The following CD209 variants were observed in gnomAD, a reference collection of about 807,000 sequenced individuals.
CD209 encodes CD209 molecule, also known as CD209 antigen.
A neutral mutation model predicts 44.7 loss-of-function variants in CD209; 31 were observed. The observed-to-expected ratio is 0.69, with a 90% CI of 0.52 to 0.94. The LOEUF (loss-of-function observed/expected upper bound fraction) is 0.94. Ranked by LOEUF, CD209 falls within the 40% of genes least tolerant of loss-of-function variation. CD209 has a pLI of 0.00. For missense variants in CD209, 407 were observed against 452.4 expected, an observed-to-expected ratio of 0.90 and a Z score of 0.91; for synonymous variants, 173 against 181.3, an observed-to-expected ratio of 0.95 and a Z score of 0.37.
chr19:7,746,749 C>A lies in CD209; in HGVS notation c.107-218G>T, dbSNP rs138953036. Among the ~76,000 whole-genome samples, 1,411 of 151,168 alleles carry A rather than the reference C, an allele frequency of 9.3e-3. 16 individuals carry two copies. The highest frequency in any genetic ancestry group is 0.032 in the African/African-American group (1,307 of 41,094). ...TCCCCAGGTCCCAGGAACCAGGTAC[C>A]TGCTTCCACCTCCCCAGGACCCAGG... On this transcript the variant is annotated intron_variant, in intron 2 of 6. Coordinates refer to ENST00000315599, the MANE Select transcript of CD209 (RefSeq NM_021155.4).
In CD209 at chr19:7,745,596, C is replaced by G. The variant is rs1054521213; in HGVS notation, c.670G>C (p.Ala224Pro). Residue 224 changes from alanine (A) to proline (P), a missense_variant, in exon 4 of 7, where the codon GCT becomes CCT. Around this residue, in one of 3 missense-constraint regions of CD209, gnomAD observed 85 missense variants for 139.9 expected, o/e 0.61. Coordinates refer to ENST00000315599, the MANE Select transcript of CD209 (RefSeq NM_021155.4). ...EIYQELTRLK[A>P]AVGELPEKSK... is the part of the protein sequence containing the mutation. ...TTCTCTGGAAGCTCACCCACTGCAG[C>G]CTTCAGCCGGGTCAGCTCCTGGTAG... 1.1e-5 allele frequency: 7 copies of G among 652,416 alleles called. No individual in the cohort carries two copies. Among genetic ancestry groups the G allele is most frequent in the Non-Finnish European group, 1.3e-5 (5 of 372,858 alleles). The allele number at this position is 652,416 out of a possible 1,614,324, so 40.4% of individuals were successfully genotyped here.
rs905142903 is a variant in CD209 at position 7,741,115 on chromosome 19, A to G, written c.*1924T>C. The stretch of plus-strand genomic sequence containing the variant: ...TGACTCCGAAGCAAGCCTGGAGTAC[A>G]GCGAGGAAGAAACCTACCAACAGTT... On this transcript the variant is annotated 3_prime_UTR_variant, in exon 7 of 7. Transcript: ENST00000315599. 9 of 1,043,040 alleles carry G rather than the reference A, an allele frequency of 8.6e-6. No individual in the cohort carries two copies. Among genetic ancestry groups the G allele is most frequent in the Middle Eastern group, 2.1e-4 (1 of 4,746 alleles). 64.6% of individuals were successfully genotyped at this position (1,043,040 alleles called of 1,614,324 possible).
Position 7,741,804 on chromosome 19 carries a change from T to A in CD209, c.*1235A>T, listed in dbSNP as rs2033623793. The A allele has an allele frequency of 2.0e-6, 1 of 503,630 alleles. No homozygotes were observed. The highest frequency in any genetic ancestry group is 3.9e-6 in the Non-Finnish European group (1 of 257,254). The allele number at this position is 503,630 out of a possible 1,614,324, so 31.2% of individuals were successfully genotyped here. A position where few individuals can be genotyped will look rare whatever the true frequency, so the allele number is the denominator to read the frequency against. On this transcript the variant is annotated 3_prime_UTR_variant, in exon 7 of 7. Transcript: ENST00000315599. ...CCAATAGAGACCTCTGCTTGTCTCCTCCTTTGGCAAGAGCTCCAAGGGGAG... is the reference window on the plus strand; with the variant it reads ...CCAATAGAGACCTCTGCTTGTCTCCACCTTTGGCAAGAGCTCCAAGGGGAG...
chr19:7,740,444 C>A lies in CD209; in HGVS notation c.*2595G>T, dbSNP rs112559811. 2 of 715,830 alleles carry A rather than the reference C, an allele frequency of 2.8e-6. No homozygotes were observed. The highest frequency in any genetic ancestry group is 2.1e-5 in the Admixed American group (1 of 46,718). The allele number at this position is 715,830 out of a possible 1,614,324, so 44.3% of individuals were successfully genotyped here. ...AAAGGATACAACTAGAGGGGCGGGG[C>A]GGTGCCGGCAAGATGGCTGCGCCCG... On this transcript the variant is annotated 3_prime_UTR_variant, in exon 7 of 7. Transcript: ENST00000315599.
In CD209 at chr19:7,741,081, G is replaced by A. The variant is rs2033594756; in HGVS notation, c.*1958C>T. ...TGTTTGGAAAGGAGCAGTGCAGGAG[G>A]GATGACTATGACTCCGAAGCAAGCC... On this transcript the variant is annotated 3_prime_UTR_variant, in exon 7 of 7. Transcript: ENST00000315599. 1.1e-6 allele frequency: 1 copy of A among 878,714 alleles called. No homozygotes were observed. Among genetic ancestry groups the A allele is most frequent in the East Asian group, 2.6e-5 (1 of 37,886 alleles). The allele number at this position is 878,714 out of a possible 1,614,324, so 54.4% of individuals were successfully genotyped here.
intron 6 of CD209, 32 bp from the exon 7 acceptor site, chr19:7,743,272 T>TCC: frequency 6.3e-7 from 1 of 1,580,998 alleles, no homozygotes; most frequent in South Asian, 1.1e-5. Flanking sequence ...TGAGCCTCTG[T>TCC]CCCCGCCAGC....
intron 2 of CD209, 94 bp downstream of exon 2, chr19:7,747,212 G>T: frequency 7.6e-7 from 1 of 1,307,964 alleles, no homozygotes; most frequent in South Asian, 1.2e-5. Flanking sequence ...ACATCCCCAG[G>T]ACCCAAGAGT....
intron 6 of CD209, 66 bp downstream of exon 6, chr19:7,744,041 G>T: frequency 1.5e-6 from 2 of 1,323,658 alleles, no homozygotes; most frequent in Non-Finnish European, 2.2e-6. Context: ...GGATCCCCAG[G>T]GAAAGTTCAA....
chr19:7,742,595 T>G lies in CD209; in HGVS notation c.*444A>C. On this transcript the variant is annotated 3_prime_UTR_variant, in exon 7 of 7. Coordinates refer to ENST00000315599, the MANE Select transcript of CD209 (RefSeq NM_021155.4). ...CCATGCCCTCTCTGGGTGCCATTGG[T>G]TGACTGGGGGAATTAATTCCCTGGT... 5.5e-6 allele frequency: 1 copy of G among 182,938 alleles called. No homozygotes were observed. The highest frequency in any genetic ancestry group is 1.3e-4 in the East Asian group (1 of 7,518). The allele number at this position is 182,938 out of a possible 1,614,324, so 11.3% of individuals were successfully genotyped here. A position where few individuals can be genotyped will look rare whatever the true frequency, so the allele number is the denominator to read the frequency against.
At position 7,744,979 on chromosome 19, in the gene CD209, C is replaced by T. The variant is rs758249066; in HGVS notation, c.862G>A (p.Gly288Arg). 16 of 1,614,110 alleles carry T rather than the reference C, an allele frequency of 9.9e-6. No individual in the cohort carries two copies. The highest frequency in any genetic ancestry group is 2.7e-5 in the African/African-American group (2 of 74,934). Residue 288 changes from glycine to arginine, a missense_variant, in exon 5 of 7, where the codon GGG (glycine) becomes AGG (arginine). Physicochemically the swap from Gly to Arg is moderately radical, Grantham distance 125. Coordinates refer to ENST00000315599, the MANE Select transcript of CD209 (RefSeq NM_021155.4). ...HDSITACKEV[G>R]AQLVVIKSAE... is the part of the protein sequence containing the mutation. ...CTTTTGATTACGACGAGCTGGGCCC[C>T]CACTTCTTTGCAGGCGGTGATGGAG...
At chr19:7,746,434 C>A in intron 3 of CD209, 26 bp downstream of exon 3, 1 of 1,613,094 alleles carries the variant, frequency 6.2e-7, no homozygotes, top group Non-Finnish European at 8.5e-7. Flanking sequence ...CGTGGGGACC[C>A]CAGACCCTCA....
chr19:7,744,274 T>G, intron 5 of CD209, 55 bp from the exon 6 acceptor site: 1 of 1,306,746 alleles, frequency 7.7e-7, no homozygotes, highest in South Asian at 1.2e-5. Flanking sequence ...TTCCAGGCTC[T>G]GTCTCCCCAT....
Position 7,741,352 on chromosome 19 carries a change from A to C in CD209, c.*1687T>G. On this transcript the variant is annotated 3_prime_UTR_variant, in exon 7 of 7. Transcript: ENST00000315599. ...GGGCGCAGTGGTGCACGCCCAGCTA[A>C]TTTTTGTACTTTTAGTGGAGTCCCA... is the stretch of plus-strand genomic sequence containing the variant. 1 of 358,924 alleles carries C rather than the reference A, an allele frequency of 2.8e-6. No individual in the cohort carries two copies. Among genetic ancestry groups the C allele is most frequent in the Non-Finnish European group, 5.2e-6 (1 of 192,928 alleles). The allele number at this position is 358,924 out of a possible 1,614,324, so 22.2% of individuals were successfully genotyped here. A position where few individuals can be genotyped will look rare whatever the true frequency, so the allele number is the denominator to read the frequency against.
chr19:7,743,019 T>TA lies in CD209; in HGVS notation c.*19dup. 6.4e-7 allele frequency: 1 copy of TA among 1,562,152 alleles called. No homozygotes were observed. The highest frequency in any genetic ancestry group is 8.8e-7 in the Non-Finnish European group (1 of 1,135,916). ...AGGATGGAGAGAAGGAACTGTAGCT[T>TA]AAAAGGGGGTGAAGTTCTGCTACGC... is the stretch of plus-strand genomic sequence containing the variant. On this transcript the variant is annotated 3_prime_UTR_variant, in exon 7 of 7. Transcript: ENST00000315599.
rs1268915320 is a variant in CD209, at chr19:7,741,555, T to C, written c.*1484A>G. 1 of 650,634 alleles carries C rather than the reference T, an allele frequency of 1.5e-6. No homozygotes were observed. Among genetic ancestry groups the C allele is most frequent in the Non-Finnish European group, 2.9e-6 (1 of 344,254 alleles). 40.3% of individuals were successfully genotyped at this position (650,634 alleles called of 1,614,324 possible). On this transcript the variant is annotated 3_prime_UTR_variant, in exon 7 of 7. Coordinates refer to ENST00000315599, the MANE Select transcript of CD209 (RefSeq NM_021155.4). ...GATTCAGTTCAAGGTCAGTTGCAAC[T>C]TGGAACCTCACCTGAGGGGCAAGTA...
At chr19:7,746,566 C>T (rs746184099) in intron 2 of CD209, 35 bp from the exon 3 acceptor site, 6 of 1,606,096 alleles carry the variant, frequency 3.7e-6, no homozygotes, top group African/African-American at 2.7e-5. Context: ...CTGCCAGTGT[C>T]CCCACCGGAG....
chr19:7,742,704 G>C lies in CD209; in HGVS notation c.*335C>G, dbSNP rs1568508660. 1 of 313,108 alleles carries C rather than the reference G, an allele frequency of 3.2e-6. No individual in the cohort carries two copies. The highest frequency in any genetic ancestry group is 2.1e-5 in the African/African-American group (1 of 47,646). 19.4% of individuals were successfully genotyped at this position (313,108 alleles called of 1,614,324 possible). ...GGAGGTGGTAGGTGGAAGTTGAACA[G>C]ATGGTAGGTTTGCATGTATAAGATA... On this transcript the variant is annotated 3_prime_UTR_variant, in exon 7 of 7. Transcript: ENST00000315599.
At position 7,741,434 on chromosome 19, in the gene CD209, G is replaced by C; in HGVS notation, c.*1605C>G. ...TTGAACCCGGGAGGCGGAAGTTGCA[G>C]TGAGCCTAGATCGCGCCACTGCACT... On this transcript the variant is annotated 3_prime_UTR_variant, in exon 7 of 7. Transcript: ENST00000315599. 2.5e-6 allele frequency: 1 copy of C among 393,018 alleles called. No individual in the cohort carries two copies. Among genetic ancestry groups the C allele is most frequent in the South Asian group, 2.5e-5 (1 of 40,302 alleles). 24.3% of individuals were successfully genotyped at this position (393,018 alleles called of 1,614,324 possible).
chr19:7,740,951 A>G lies in CD209; in HGVS notation c.*2088T>C. On this transcript the variant is annotated 3_prime_UTR_variant, in exon 7 of 7. Transcript: ENST00000315599. ...AGAGTCATGGAGAAGGATGGAGTTA[A>G]TTGTCCCTTCTACAGTAAAACAGGA... 1 of 717,080 alleles carries G rather than the reference A, an allele frequency of 1.4e-6. No individual in the cohort carries two copies. Among genetic ancestry groups the G allele is most frequent in the South Asian group, 1.5e-5 (1 of 64,780 alleles). The allele number at this position is 717,080 out of a possible 1,614,324, so 44.4% of individuals were successfully genotyped here.
Sources: gnomAD v4.1 joint callset for allele counts (sites outside exome capture counted in the v4.1 genomes callset) on GRCh38, gnomAD v4.1.1 for gene constraint, gnomAD v4.1.1 regional missense constraint, MANE v1.5 for transcripts, NCBI Gene and HGNC (gene_info 2026-07-23, HGNC 2026-07-21) for gene names.